The following PDE11A variants were observed in gnomAD, a reference collection of about 807,000 sequenced individuals.
PDE11A encodes dual 3',5'-cyclic-AMP and -GMP phosphodiesterase 11A.
Under a neutral mutation model 100.5 loss-of-function variants are expected in PDE11A, and 100 were observed. The observed-to-expected ratio is 1.00, with a 90% CI of 0.85 to 1.18. The LOEUF is 1.18. Ranked by LOEUF, PDE11A falls within the 50% of genes most tolerant of loss-of-function variation. The pLI, the probability that PDE11A is intolerant of heterozygous loss-of-function variation, is 0.00. For missense variants in PDE11A, 1,141 were observed against 1,152.6 expected (o/e 0.99, Z 0.15); for synonymous variants, 381 against 420.8 (o/e 0.91, Z 1.16).
At chr2:177,724,726 C>G (rs994332466) in intron 12 of PDE11A, among the ~76,000 whole-genome samples, 3 of 152,076 alleles carry the variant, frequency 2.0e-5, no homozygotes, top group African/African-American at 7.2e-5. Context: ...TTAGGAAAAA[C>G]ATTTATTTTG....
chr2:177,676,241 T>G, intron 16 of PDE11A: 1 of 155,652 alleles, frequency 6.4e-6, no homozygotes, highest in Non-Finnish European at 1.4e-5. Flanking sequence ...AAATTGTAGA[T>G]AGCTCTGGTG....
At chr2:177,785,828 T>C (rs1364086136) in intron 9 of PDE11A, among the ~76,000 whole-genome samples, 1 of 152,106 alleles carries the variant, frequency 6.6e-6, no homozygotes, top group East Asian at 1.9e-4. Context: ...GCAGCGAGGC[T>C]GGGGGAGGGG....
At chr2:178,083,822 A>G (rs2087316080) in intron 2 of PDE11A, among the ~76,000 whole-genome samples, 1 of 152,186 alleles carries the variant, frequency 6.6e-6, no homozygotes, top group Non-Finnish European at 1.5e-5. Flanking sequence ...ATCTGACAAA[A>G]TTTTTTAGTG....
chr2:178,042,328 A>G (rs531570063), intron 1 of PDE11A, among the ~76,000 whole-genome samples: 1 of 152,260 alleles, frequency 6.6e-6, no homozygotes, highest in East Asian at 1.9e-4. Context: ...AAAGAAAAAG[A>G]TTAGCCAGGT....
At chr2:177,774,678 CTT>C (rs1415061771) in intron 9 of PDE11A, among the ~76,000 whole-genome samples, 2 of 152,210 alleles carry the variant, frequency 1.3e-5, no homozygotes, top group Admixed American at 6.5e-5. Context: ...TTTCAAATCT[CTT>C]TGAGTTTTGC....
intron 4 of PDE11A, among the ~76,000 whole-genome samples, chr2:177,887,208 C>T (rs540737392): frequency 6.6e-6 from 1 of 152,264 alleles, no homozygotes; most frequent in Non-Finnish European, 1.5e-5. Flanking sequence ...AACAAAAACA[C>T]TCTCCCATCC....
At chr2:177,699,476 G>T (rs1267476578) in intron 14 of PDE11A, among the ~76,000 whole-genome samples, 1 of 152,148 alleles carries the variant, frequency 6.6e-6, no homozygotes, top group Non-Finnish European at 1.5e-5. Flanking sequence ...GCCAGAAAAA[G>T]TTAATTTGCA....
chr2:178,022,615 C>T (rs2086426700), intron 1 of PDE11A, among the ~76,000 whole-genome samples: 1 of 151,976 alleles, frequency 6.6e-6, no homozygotes, highest in Admixed American at 6.6e-5. Flanking sequence ...CAGAGCTTCA[C>T]AGAAGGCCAG....
At chr2:178,062,664 C>T (rs1295353199) in intron 1 of PDE11A, among the ~76,000 whole-genome samples, 1 of 152,048 alleles carries the variant, frequency 6.6e-6, no homozygotes, top group African/African-American at 2.4e-5. Context: ...TGCCAAATAC[C>T]CATAAAAACT....
chr2:177,940,674 T>C (rs10497483), intron 2 of PDE11A, among the ~76,000 whole-genome samples: 11,367 of 152,286 alleles, frequency 0.075, 427 homozygotes, highest in South Asian at 0.099. Flanking sequence ...CCCTGAAGTG[T>C]GTTCTGCATG....
intron 6 of PDE11A, among the ~76,000 whole-genome samples, chr2:177,826,686 A>T (rs1202028821): frequency 1.3e-5 from 2 of 152,202 alleles, no homozygotes; most frequent in Non-Finnish European, 2.9e-5. Context: ...GATTCTTAGA[A>T]CTGTGGGACT....
chr2:178,064,853 T>TC (rs962669464), intron 1 of PDE11A, among the ~76,000 whole-genome samples: 5 of 151,972 alleles, frequency 3.3e-5, no homozygotes, highest in Non-Finnish European at 5.9e-5. Context: ...CCTTTTTTTT[T>TC]CTTCAGGAAA....
chr2:178,076,417 C>G (rs1329075388), upstream of PDE11A, among the ~76,000 whole-genome samples: 3 of 152,150 alleles, frequency 2.0e-5, no homozygotes, highest in Non-Finnish European at 4.4e-5. Flanking sequence ...CATTTTAGTA[C>G]TGGATGGAAG....
chr2:178,065,947 A>G (rs2087037561), intron 1 of PDE11A, among the ~76,000 whole-genome samples: 1 of 151,672 alleles, frequency 6.6e-6, no homozygotes, highest in Non-Finnish European at 1.5e-5. Flanking sequence ...ATTGTTATTC[A>G]TATTATTAGA....
chr2:177,648,789 GA>G (rs2080261444), intron 19 of PDE11A, among the ~76,000 whole-genome samples: 1 of 151,974 alleles, frequency 6.6e-6, no homozygotes, highest in African/African-American at 2.4e-5. Context: ...AAATAATAAG[GA>G]AAGAGTTCAG....
At chr2:177,778,867 C>T (rs1177949592) in intron 9 of PDE11A, among the ~76,000 whole-genome samples, 1 of 152,178 alleles carries the variant, frequency 6.6e-6, no homozygotes, top group Non-Finnish European at 1.5e-5. Flanking sequence ...TCAAAAGGTA[C>T]TTCAGATAAC....
At chr2:177,656,713 G>A (rs1371188404) in intron 19 of PDE11A, among the ~76,000 whole-genome samples, 2 of 152,258 alleles carry the variant, frequency 1.3e-5, no homozygotes, top group African/African-American at 2.4e-5. Context: ...CACATACAGA[G>A]TGTGTGGTTA....
At chr2:177,752,216 G>A (rs1424567975) in intron 10 of PDE11A, among the ~76,000 whole-genome samples, 2 of 152,172 alleles carry the variant, frequency 1.3e-5, no homozygotes, top group Admixed American at 6.5e-5. Context: ...TCTCTTCAAT[G>A]TTCTACTCTG....
intron 10 of PDE11A, among the ~76,000 whole-genome samples, chr2:177,743,135 G>A (rs879443722): frequency 9.9e-5 from 15 of 152,174 alleles, no homozygotes; most frequent in Non-Finnish European, 4.4e-5. Context: ...TCTCTTTTGG[G>A]ACAAGGAAAG....
Sources: gnomAD v4.1 joint callset for allele counts (sites outside exome capture counted in the v4.1 genomes callset) on GRCh38, gnomAD v4.1.1 for gene constraint, MANE v1.5 for transcripts, NCBI Gene and HGNC (gene_info 2026-07-23, HGNC 2026-07-21) for gene names.